OAT: variants seen among roughly 807,000 people sequenced by gnomAD.
OAT encodes the protein ornithine aminotransferase, also known as ornithine aminotransferase, mitochondrial.
A neutral mutation model predicts 48.4 loss-of-function variants in OAT; 35 were observed. The observed-to-expected ratio is 0.72, with a 90% confidence interval of 0.55 to 0.96. OAT has a LOEUF of 0.96. OAT is among the 40% of genes least tolerant of loss of function. The pLI, the probability that OAT is intolerant of heterozygous loss-of-function variation, is 0.00. For missense variants in OAT, 438 were observed against 537.9 expected (o/e 0.81, Z 1.84); for synonymous variants, 182 against 198.4 (o/e 0.92, Z 0.70).
chr10:124,413,089 T>C (rs962082601), intron 1 of OAT, among the ~76,000 whole-genome samples: 2 of 152,188 alleles, frequency 1.3e-5, no homozygotes, highest in East Asian at 3.9e-4. Flanking sequence ...TGTGAGCCAC[T>C]GTGCCCAGCC....
At chr10:124,413,994 G>T (rs1564741853) in intron 1 of OAT, 3 of 145,544 alleles carry the variant, frequency 2.1e-5, no homozygotes, top group South Asian at 4.3e-4. Flanking sequence ...ATAATTAAAA[G>T]GAAATTAGAG....
At chr10:124,402,102 G>A (rs559718815) in intron 7 of OAT, among the ~76,000 whole-genome samples, 2 of 148,890 alleles carry the variant, frequency 1.3e-5, no homozygotes, top group Admixed American at 1.3e-4. Context: ...GTTTCACCAT[G>A]TTGGCCAGGC....
At chr10:124,404,339 C>T (rs1252769564) in intron 5 of OAT, among the ~76,000 whole-genome samples, 1 of 151,460 alleles carries the variant, frequency 6.6e-6, no homozygotes, top group East Asian at 1.9e-4. Context: ...ACGATCTTGG[C>T]TTACTGCAGC....
intron 5 of OAT, 132 bp from the exon 6 acceptor site, chr10:124,404,052 A>G (rs1951501614): frequency 1.0e-6 from 1 of 989,964 alleles, no homozygotes; most frequent in African/African-American, 1.6e-5. Flanking sequence ...TTCTGACTTC[A>G]AATTCACTGC....
chr10:124,417,117 T>C (rs1192360461), intron 1 of OAT, among the ~76,000 whole-genome samples: 1 of 152,018 alleles, frequency 6.6e-6, no homozygotes, highest in Non-Finnish European at 1.5e-5. Context: ...CAAATAACTG[T>C]AATAAAGGCA....
Position 124,405,464 on chromosome 10 carries a change from A to G in OAT, c.620T>C (p.Ile207Thr). 1 of 1,614,078 alleles carries G rather than the reference A, an allele frequency of 6.2e-7. No individual in the cohort carries two copies. Among genetic ancestry groups the G allele is most frequent in the Non-Finnish European group, 8.5e-7 (1 of 1,179,938 alleles). ...CAGTGCGGGCAGATCATTATAGGGAATGATGTCGAATCCCGGCATAAATGG... is the reference window on the plus strand; with the variant it reads ...CAGTGCGGGCAGATCATTATAGGGAGTGATGTCGAATCCCGGCATAAATGG... ...FGPFMPGFDIIPYNDLPALER... is the reference protein window; with the variant it reads ...FGPFMPGFDITPYNDLPALER... Residue 207 changes from isoleucine to threonine, a missense_variant, in exon 5 of 10, where the codon ATT becomes ACT. Transcript: ENST00000368845.
intron 9 of OAT, among the ~76,000 whole-genome samples, chr10:124,400,476 G>C (rs564461833): frequency 1.9e-4 from 28 of 150,124 alleles, no homozygotes; most frequent in Admixed American, 1.7e-3. Flanking sequence ...AAGTGTGGCC[G>C]GGCGCGGTGG....
intron 2 of OAT, among the ~76,000 whole-genome samples, chr10:124,411,211 A>G (rs1951740555): frequency 6.6e-6 from 1 of 151,628 alleles, no homozygotes; most frequent in African/African-American, 2.4e-5. Context: ...ACAGTTCAGA[A>G]AACAATGTAG....
At chr10:124,407,554 G>T in intron 4 of OAT, 2 of 565,684 alleles carry the variant, frequency 3.5e-6, no homozygotes, top group Non-Finnish European at 4.5e-6. Flanking sequence ...ATACCAATCT[G>T]TCCCCTCAAA....
chr10:124,406,849 G>T, intron 4 of OAT: 1 of 492,792 alleles, frequency 2.0e-6, no homozygotes, highest in Non-Finnish European at 2.6e-6. Context: ...GATCACAACT[G>T]GCAAGATCCC....
rs1280872665 is a variant in OAT at position 124,397,345 on chromosome 10, T to C, written c.*597A>G. 1 of 152,260 alleles carries C rather than the reference T, an allele frequency of 6.6e-6. No individual in the cohort carries two copies. The highest frequency in any genetic ancestry group is 1.5e-5 in the Non-Finnish European group (1 of 68,062). The allele number at this position is 152,260 out of a possible 1,614,324, so 9.4% of individuals were successfully genotyped here. A position where few individuals can be genotyped will look rare whatever the true frequency, so the allele number is the denominator to read the frequency against. On this transcript the variant is annotated 3_prime_UTR_variant, in exon 10 of 10. Transcript: ENST00000368845. ...CTTTATTTTAAATTTAAAGAAGTAT[T>C]GAAAATAAACATTTTTTACAAATTA...
intron 4 of OAT, among the ~76,000 whole-genome samples, chr10:124,408,247 A>G (rs1173772821): frequency 6.8e-6 from 1 of 147,760 alleles, no homozygotes; most frequent in Admixed American, 6.7e-5. Context: ...CAGTAAATTT[A>G]CACATATATA....
intron 9 of OAT, among the ~76,000 whole-genome samples, chr10:124,398,366 G>A (rs1951296405): frequency 6.6e-6 from 1 of 151,828 alleles, no homozygotes; most frequent in Admixed American, 6.6e-5. Context: ...AAATTAGCTG[G>A]GCATCATGGT....
At chr10:124,400,711 C>T (rs940946407) in intron 9 of OAT, 129 bp downstream of exon 9, 16 of 686,420 alleles carry the variant, frequency 2.3e-5, no homozygotes, top group Non-Finnish European at 2.8e-5. Context: ...GATTGCGCCA[C>T]GGCACTGCAG....
chr10:124,413,267 T>TACAC (rs58272470), intron 1 of OAT, among the ~76,000 whole-genome samples: 10,059 of 134,288 alleles, frequency 0.075, 392 homozygotes, highest in East Asian at 0.12. Context: ...CATAAATACA[T>TACAC]ACACACACAC....
rs1427092729 is a variant in OAT, at chr10:124,399,335, A to ATTTT, written c.1160-1234_1160-1233insAAAA. 1.2e-4 allele frequency among the ~76,000 whole-genome samples: 12 copies of ATTTT among 100,374 alleles called. 3 individuals carry two copies. Among genetic ancestry groups the ATTTT allele is most frequent in the African/African-American group, 1.4e-4 (4 of 27,760 alleles). The allele number at this position is 100,374 out of a possible 152,430, so 65.8% of individuals were successfully genotyped here. ...ATTTTTTTAAGAAGCTCCCCAGGTG[A>ATTTT]TTCTTTTTTTTTTTTTTTTTTTTTT... On this transcript the variant is annotated intron_variant, in intron 9 of 9. Transcript: ENST00000368845.
rs1353419819 is a variant in OAT at position 124,405,631 on chromosome 10, A to G, written c.521-68T>C. ...AAATTCAATAAGCACTATCCCCGCA[A>G]AACACCACAAGAAGTTTGACTCAAA... is the stretch of plus-strand genomic sequence containing the variant. On this transcript the variant is annotated intron_variant, in intron 4 of 9. Coordinates refer to ENST00000368845, the MANE Select transcript of OAT (RefSeq NM_000274.4). The G allele has an allele frequency of 3.8e-6, 6 of 1,597,524 alleles. No individual in the cohort carries two copies. The Admixed American group carries it at 8.5e-5, about 23-fold the overall frequency.
rs1261963382 is a variant in OAT at position 124,408,325 on chromosome 10, A to G, written c.520+217T>C. Among the ~76,000 whole-genome samples, 4,396 of 69,560 alleles carry G rather than the reference A, an allele frequency of 0.063. 185 individuals are homozygous for G. The highest frequency in any genetic ancestry group is 0.23 in the East Asian group (486 of 2,150). The allele number at this position is 69,560 out of a possible 152,430, so 45.6% of individuals were successfully genotyped here. A position where few individuals can be genotyped will look rare whatever the true frequency, so the allele number is the denominator to read the frequency against. On this transcript the variant is annotated intron_variant, in intron 4 of 9. Transcript: ENST00000368845. ...TGTGTGTGTGTGTGTGTGTATATAT[A>G]TATATATATATATATATATTTTTTT... is the stretch of plus-strand genomic sequence containing the variant.
chr10:124,412,689 C>T (rs1468601426), intron 1 of OAT, among the ~76,000 whole-genome samples: 1 of 150,280 alleles, frequency 6.7e-6, no homozygotes, highest in East Asian at 2.0e-4. Context: ...GTGCCTGTAG[C>T]CCCCAGCTGC....
Sources: allele counts gnomAD v4.1 joint callset (sites outside exome capture counted in the v4.1 genomes callset), GRCh38; gene constraint gnomAD v4.1.1; transcripts MANE v1.5; gene names NCBI Gene and HGNC (gene_info 2026-07-23, HGNC 2026-07-21).